Variants in NRCAM observed in about 807,000 individuals in gnomAD.
The protein encoded by NRCAM is neuronal cell adhesion molecule.
A neutral mutation model predicts 156.5 loss-of-function variants in NRCAM; 83 were observed. The observed-to-expected ratio is 0.53, with a 90% CI of 0.44 to 0.64. The LOEUF (loss-of-function observed/expected upper bound fraction) is 0.64, where lower values mean the gene tolerates loss of function less well. NRCAM is among the 30% of genes least tolerant of loss of function. The pLI, the probability that NRCAM is intolerant of heterozygous loss-of-function variation, is 0.00. For missense variants in NRCAM, 1,417 were observed against 1,597.3 expected, an observed-to-expected ratio of 0.89 and a Z score of 1.92; for synonymous variants, 538 against 563.9, an observed-to-expected ratio of 0.95 and a Z score of 0.65.
intron 32 of NRCAM, 110 bp from the exon 33 acceptor site, chr7:108,150,257 T>C (rs2040490981): frequency 1.2e-6 from 1 of 840,794 alleles, no homozygotes; most frequent in Admixed American, 2.4e-5. Flanking sequence ...CCTGGGCTTC[T>C]CTGGCCAAAT....
At chr7:108,234,983 CT>C (rs2153766318) in intron 5 of NRCAM, 2 of 479,996 alleles carry the variant, frequency 4.2e-6, no homozygotes, top group South Asian at 3.7e-5. Context: ...AAGACAGTTT[CT>C]TTTCTGATGT....
intron 1 of NRCAM, among the ~76,000 whole-genome samples, chr7:108,400,510 T>G (rs191796665): frequency 3.2e-4 from 48 of 152,248 alleles, no homozygotes; most frequent in Non-Finnish European, 1.3e-4. Flanking sequence ...CCTGACCAAT[T>G]CAATCAGAAT....
chr7:108,317,218 G>C lies in NRCAM; in HGVS notation c.-173-4487C>G, dbSNP rs573793563. ...TGTGATGTTTCTAGTTTGGGGGTTT[G>C]TTAGAATAGCTAGCTCTGCCCTATC... On this transcript the variant is annotated intron_variant, in intron 2 of 32. Transcript: ENST00000379028. Among the ~76,000 whole-genome samples, 7 of 152,308 alleles carry C rather than the reference G, an allele frequency of 4.6e-5. No homozygotes were observed. In the South Asian group the frequency reaches 1.4e-3, roughly 32 times the overall value.
chr7:108,226,587 G>A (rs542201214), intron 8 of NRCAM, among the ~76,000 whole-genome samples: 1 of 151,076 alleles, frequency 6.6e-6, no homozygotes, highest in African/African-American at 2.4e-5. Flanking sequence ...TTCCCTGACA[G>A]TAACTTCTCT....
At chr7:108,355,272 T>C (rs1271492358) in intron 2 of NRCAM, among the ~76,000 whole-genome samples, 1 of 152,184 alleles carries the variant, frequency 6.6e-6, no homozygotes, top group Non-Finnish European at 1.5e-5. Flanking sequence ...AAAGAACAGA[T>C]GTGAAATTGA....
At chr7:108,343,747 A>C (rs370507071) in intron 2 of NRCAM, among the ~76,000 whole-genome samples, 4 of 152,376 alleles carry the variant, frequency 2.6e-5, no homozygotes, top group South Asian at 4.1e-4. Flanking sequence ...TTAGATGACC[A>C]AATCATTATT....
At chr7:108,181,771 T>A in intron 24 of NRCAM, 51 bp downstream of exon 24, 1 of 1,269,960 alleles carries the variant, frequency 7.9e-7, no homozygotes, top group Non-Finnish European at 1.1e-6. Flanking sequence ...ACAAGTGGCA[T>A]TCGCTGCAGC....
rs989124916 is a variant in NRCAM at position 108,236,488 on chromosome 7, G to T, written c.124+1264C>A. ...GCCTTGTCAGTTTCCAAGGTGGCCT[G>T]ATTGTTAAGCACTAGTCTGTTTCTT... On this transcript the variant is annotated intron_variant, in intron 5 of 32. Coordinates refer to ENST00000379028, the MANE Select transcript of NRCAM (RefSeq NM_001037132.4). Among the ~76,000 whole-genome samples, 6 of 151,970 alleles carry T rather than the reference G, an allele frequency of 3.9e-5. 1 individual carries two copies. The highest frequency in any genetic ancestry group is 1.3e-4 in the Admixed American group (2 of 15,254).
rs11413420 is a variant in NRCAM at position 108,242,258 on chromosome 7, C to CAAAA, written c.-106-2092_-106-2089dup. ...TGGGTGACAGAGCAAGACCCCGTCTCAAAAAAAAAAAAAAAAAAAAGAATG... is the reference window on the plus strand; with the variant it reads ...TGGGTGACAGAGCAAGACCCCGTCTCAAAAAAAAAAAAAAAAAAAAAAAAGAATG... On this transcript the variant is annotated intron_variant, in intron 3 of 32. Transcript: ENST00000379028. Among the ~76,000 whole-genome samples the CAAAA allele has an allele frequency of 1.9e-3, 188 of 97,746 alleles. 2 individuals are homozygous for CAAAA. Among genetic ancestry groups the CAAAA allele is most frequent in the African/African-American group, 3.7e-3 (89 of 23,972 alleles). The allele number at this position is 97,746 out of a possible 152,430, so 64.1% of individuals were successfully genotyped here. A position where few individuals can be genotyped will look rare whatever the true frequency, so the allele number is the denominator to read the frequency against.
intron 2 of NRCAM, among the ~76,000 whole-genome samples, chr7:108,389,845 T>C (rs2099753937): frequency 6.6e-6 from 1 of 152,230 alleles, no homozygotes; most frequent in Non-Finnish European, 1.5e-5. Context: ...TCTGTTTATA[T>C]GCTGGATTAC....
At chr7:108,250,348 C>G (rs534379521) in intron 3 of NRCAM, among the ~76,000 whole-genome samples, 3 of 148,510 alleles carry the variant, frequency 2.0e-5, no homozygotes, top group South Asian at 4.3e-4. Context: ...ATGGCTTGAG[C>G]CTGGGAGGCA....
chr7:108,454,321 A>G (rs760669676), intron 1 of NRCAM, among the ~76,000 whole-genome samples: 2 of 152,184 alleles, frequency 1.3e-5, no homozygotes, highest in Non-Finnish European at 2.9e-5. Context: ...CCCTAAACTG[A>G]TAAGCCTCCA....
chr7:108,275,844 CT>C (rs1472893884), intron 3 of NRCAM, among the ~76,000 whole-genome samples: 3 of 152,146 alleles, frequency 2.0e-5, no homozygotes, highest in African/African-American at 4.8e-5. Flanking sequence ...GATTTTAGAT[CT>C]TTCCTGCTTT....
Position 108,181,864 on chromosome 7 carries a change from T to G in NRCAM, c.2604A>C (p.Pro868=). 2 of 1,614,166 alleles carry G rather than the reference T, an allele frequency of 1.2e-6. No individual in the cohort carries two copies. Among genetic ancestry groups the G allele is most frequent in the Non-Finnish European group, 8.5e-7 (1 of 1,180,012 alleles). ...NSTLAEVHWD[P]VPLKSIRGHL... ...GTCCTCGGATGCTTTTCAGAGGTAC[T>G]GGGTCCCAGTGCACCTCGGCTAAGG... The change falls in exon 24 of 33, where the codon CCA becomes CCC. Residue 868 remains proline, a synonymous_variant. Coordinates refer to ENST00000379028, the MANE Select transcript of NRCAM (RefSeq NM_001037132.4).
At chr7:108,226,069 A>G (rs1373396067) in intron 9 of NRCAM, 139 bp downstream of exon 9, 6 of 640,672 alleles carry the variant, frequency 9.4e-6, no homozygotes, top group South Asian at 4.3e-5. Context: ...ATATATGCCA[A>G]CACTTTAGTG....
chr7:108,247,661 A>C (rs1408517003), intron 3 of NRCAM, among the ~76,000 whole-genome samples: 2 of 151,868 alleles, frequency 1.3e-5, no homozygotes, highest in Non-Finnish European at 2.9e-5. Flanking sequence ...CTTAGGCATT[A>C]TACTAATTTA....
intron 1 of NRCAM, among the ~76,000 whole-genome samples, chr7:108,452,669 C>T (rs1851830885): frequency 6.6e-6 from 1 of 152,218 alleles, no homozygotes; most frequent in Non-Finnish European, 1.5e-5. Flanking sequence ...CTTCATCAAT[C>T]ATTGCAACAG....
intron 1 of NRCAM, among the ~76,000 whole-genome samples, chr7:108,410,305 A>G (rs1793836771): frequency 6.6e-6 from 1 of 152,244 alleles, no homozygotes; most frequent in African/African-American, 2.4e-5. Context: ...GTCTTGTTAT[A>G]GTGGTTGCAG....
At chr7:108,314,367 T>A (rs535072559) in intron 2 of NRCAM, among the ~76,000 whole-genome samples, 2 of 152,346 alleles carry the variant, frequency 1.3e-5, no homozygotes, top group South Asian at 4.1e-4. Context: ...GGGTAATACA[T>A]CATTGCTAAG....
Sources: gnomAD v4.1 joint callset for allele counts (sites outside exome capture counted in the v4.1 genomes callset) on GRCh38, gnomAD v4.1.1 for gene constraint, MANE v1.5 for transcripts, NCBI Gene and HGNC (gene_info 2026-07-23, HGNC 2026-07-21) for gene names.